Variants in ACACA observed in about 807,000 individuals in gnomAD.
The protein encoded by ACACA is acetyl-CoA carboxylase alpha, also known as acetyl-CoA carboxylase 1.
Under a neutral mutation model 296.1 loss-of-function variants are expected in ACACA, and 103 were observed. The observed-to-expected ratio is 0.35, with a 90% confidence interval of 0.30 to 0.41. The LOEUF is 0.41. Ranked by LOEUF, ACACA falls within the 10% of genes least tolerant of loss-of-function variation. ACACA has a pLI of 1.00. For missense variants in ACACA, 1,554 were observed against 2,989.7 expected (o/e 0.52, Z 11.20); for synonymous variants, 953 against 1,038.6 (o/e 0.92, Z 1.58).
At chr17:37,179,062 CTA>C (rs1258761100) in intron 41 of ACACA, among the ~76,000 whole-genome samples, 196 bp downstream of exon 41, 1 of 152,156 alleles carries the variant, frequency 6.6e-6, no homozygotes, top group Non-Finnish European at 1.5e-5. Context: ...TAAAACAATA[CTA>C]TTTTAAAAAG....
At chr17:37,364,471 ATAATCCCAGCTACT>A (rs1428476292) in intron 1 of ACACA, among the ~76,000 whole-genome samples, 1 of 151,408 alleles carries the variant, frequency 6.6e-6, no homozygotes, top group Non-Finnish European at 1.5e-5. Context: ...GCGGGCACCT[ATAATCCCAGCTACT>A]TACGAGGCTG....
At chr17:37,173,982 T>TTATTTATATATATATATATATATATA (rs1555573869) in intron 41 of ACACA, among the ~76,000 whole-genome samples, 1 of 19,450 alleles carries the variant, frequency 5.1e-5, no homozygotes, top group Non-Finnish European at 1.0e-4. Flanking sequence ...CCTGGCTAAT[T>TTATTTATATATATATATATATATATA]TATATATATA....
intron 7 of ACACA, 120 bp from the exon 8 acceptor site, chr17:37,276,169 A>C: frequency 1.3e-6 from 1 of 752,144 alleles, no homozygotes; most frequent in Non-Finnish European, 2.4e-6. Flanking sequence ...CACCCCTCAC[A>C]TATCAAGGAG....
chr17:37,174,009 TATATATATA>T (rs1168813031), intron 41 of ACACA, among the ~76,000 whole-genome samples: 29 of 15,038 alleles, frequency 1.9e-3, no homozygotes, highest in East Asian at 0.013. Flanking sequence ...TATATATATA[TATATATATA>T]TATTTTTTTT....
At chr17:37,217,215 A>G (rs1408182665) in intron 29 of ACACA, among the ~76,000 whole-genome samples, 1 of 143,740 alleles carries the variant, frequency 7.0e-6, no homozygotes, top group Non-Finnish European at 1.5e-5. Flanking sequence ...GAGCCAAGAT[A>G]GCACCACTGC....
chr17:37,201,328 C>G (rs1469445968), intron 33 of ACACA, among the ~76,000 whole-genome samples: 2 of 151,892 alleles, frequency 1.3e-5, no homozygotes, highest in Non-Finnish European at 2.9e-5. Flanking sequence ...GTAATCCCAG[C>G]TACTTGAGAG....
chr17:37,207,166 C>T (rs975884688), intron 31 of ACACA, among the ~76,000 whole-genome samples: 2 of 152,124 alleles, frequency 1.3e-5, no homozygotes, highest in African/African-American at 4.8e-5. Flanking sequence ...AAGATATGAG[C>T]ACTTCTGTCA....
Position 37,276,909 on chromosome 17 carries a change from G to C in ACACA, c.802+124C>G, listed in dbSNP as rs1034977157. 12 of 851,542 alleles carry C rather than the reference G, an allele frequency of 1.4e-5. No homozygotes were observed. The East Asian group carries it at 2.9e-4, about 21-fold the overall frequency. 52.7% of individuals were successfully genotyped at this position (851,542 alleles called of 1,614,324 possible). A position where few individuals can be genotyped will look rare whatever the true frequency, so the allele number is the denominator to read the frequency against. ...TTACTCTGAGAGTTAGTAATAGATT[G>C]AGGGAAAAAAAAAGAGAGAGAGAGC... On this transcript the variant is annotated intron_variant, in intron 7 of 55. Coordinates refer to ENST00000616317, the MANE Select transcript of ACACA (RefSeq NM_198834.3).
At chr17:37,213,156 CACACACACACACACAT>C (rs1206455856) in intron 29 of ACACA, among the ~76,000 whole-genome samples, 1 of 151,318 alleles carries the variant, frequency 6.6e-6, no homozygotes, top group Admixed American at 6.6e-5. Flanking sequence ...CATCTTTACA[CACACACACACACACAT>C]ACACACACAC....
intron 54 of ACACA, among the ~76,000 whole-genome samples, chr17:37,089,956 G>A (rs1261273900): frequency 6.6e-6 from 1 of 152,176 alleles, no homozygotes; most frequent in Non-Finnish European, 1.5e-5. Context: ...TTTTGTTTGG[G>A]TAATTAAACA....
chr17:37,148,938 A>C (rs1404726116), intron 45 of ACACA, among the ~76,000 whole-genome samples: 1 of 152,206 alleles, frequency 6.6e-6, no homozygotes, highest in Non-Finnish European at 1.5e-5. Flanking sequence ...CCTTTGACAG[A>C]TAAGAAAGCT....
chr17:37,333,371 G>C lies in ACACA; in HGVS notation c.86-2946C>G, dbSNP rs558840497. On this transcript the variant is annotated intron_variant, in intron 2 of 55. Transcript: ENST00000616317. ...AAGGAAAGGAAAGGAAAGGGAAATA[G>C]AAGGGAACCGCCAACCAGATATTGG... Among the ~76,000 whole-genome samples, 47 of 152,218 alleles carry C rather than the reference G, an allele frequency of 3.1e-4. 1 individual carries two copies. The South Asian group carries it at 9.6e-3, about 31-fold the overall frequency.
intron 1 of ACACA, among the ~76,000 whole-genome samples, chr17:37,351,008 C>A (rs991351233): frequency 1.3e-5 from 2 of 151,848 alleles, no homozygotes; most frequent in Admixed American, 6.6e-5. Flanking sequence ...TGGAGCGTGG[C>A]GCATGCCCAT....
intron 45 of ACACA, among the ~76,000 whole-genome samples, chr17:37,148,097 T>C (rs1010837701): frequency 2.0e-5 from 3 of 151,884 alleles, no homozygotes; most frequent in Admixed American, 6.6e-5. Flanking sequence ...TATAGGTTTT[T>C]AAAGTACCAT....
chr17:37,258,346 T>G lies in ACACA; in HGVS notation c.1528A>C (p.Ile510Leu). Reference sequence around the variant, plus strand: ...CCATACATCATACGGATATCCTTGATTCTATATAGAGGAATCCCCATGGCA... The same window carrying G: ...CCATACATCATACGGATATCCTTGAGTCTATATAGAGGAATCCCCATGGCA... ...QIAMGIPLYR[I>L]KDIRMMYGVS... Residue 510 changes from isoleucine to leucine, a missense_variant, in exon 13 of 56, where the codon ATC becomes CTC. This residue lies in a region of ACACA where 37 missense variants were observed against 49.9 expected (regional missense o/e 0.74). Coordinates refer to ENST00000616317, the MANE Select transcript of ACACA (RefSeq NM_198834.3). 1 of 1,614,112 alleles carries G rather than the reference T, an allele frequency of 6.2e-7. No homozygotes were observed. Among genetic ancestry groups the G allele is most frequent in the Non-Finnish European group, 8.5e-7 (1 of 1,179,966 alleles).
At chr17:37,390,140 G>GTATATATATATA (rs1243535532) in intron 1 of ACACA, among the ~76,000 whole-genome samples, 5 of 34,632 alleles carry the variant, frequency 1.4e-4, no homozygotes, top group African/African-American at 4.4e-4. Context: ...AAAAAAAAAA[G>GTATATATATATA]TATATATATA....
intron 15 of ACACA, 41 bp from the exon 16 acceptor site, chr17:37,252,149 C>T (rs779260306): frequency 6.7e-7 from 1 of 1,492,482 alleles, no homozygotes; most frequent in Non-Finnish European, 9.4e-7. Context: ...TGCATGGTCA[C>T]TTGGCACCAC....
chr17:37,174,632 A>T (rs748981429), intron 41 of ACACA, among the ~76,000 whole-genome samples: 27 of 151,864 alleles, frequency 1.8e-4, no homozygotes, highest in Admixed American at 1.5e-3. Flanking sequence ...TCCCGGGTTC[A>T]AGCGATTCTC....
intron 29 of ACACA, among the ~76,000 whole-genome samples, chr17:37,213,429 C>A (rs2078847909): frequency 6.6e-6 from 1 of 150,826 alleles, no homozygotes; most frequent in South Asian, 2.1e-4. Flanking sequence ...ATAAATGGGA[C>A]ATAAATTCAC....
Sources: allele counts gnomAD v4.1 joint callset (sites outside exome capture counted in the v4.1 genomes callset), GRCh38; gene constraint gnomAD v4.1.1; regional missense constraint gnomAD v4.1.1; transcripts MANE v1.5; gene names NCBI Gene and HGNC (gene_info 2026-07-23, HGNC 2026-07-21).